Variants in VAMP7 observed in about 807,000 individuals in gnomAD.
The protein encoded by VAMP7 is vesicle associated membrane protein 7.
In VAMP7, 14 loss-of-function variants were observed where a neutral mutation model predicts 29.6. The observed-to-expected ratio is 0.47, with a 90% CI of 0.31 to 0.74. The LOEUF is 0.74. Among genes scored for constraint, VAMP7 ranks in the 30% least tolerant of loss-of-function variants. The pLI, the probability that VAMP7 is intolerant of heterozygous loss-of-function variation, is 0.05. For synonymous variants in VAMP7, 95 were observed against 88.1 expected, an observed-to-expected ratio of 1.08 and a Z score of -0.44; for missense variants, 223 against 262.4, an observed-to-expected ratio of 0.85 and a Z score of 1.04.
intron 5 of VAMP7, among the ~76,000 whole-genome samples, chrX:155,918,992 T>C (rs1012126716): frequency 4.6e-5 from 7 of 152,206 alleles, no homozygotes; most frequent in East Asian, 1.9e-4. Context: ...TAGTATTTCG[T>C]TGAGGATTTT....
At chrX:155,896,337 G>A (rs904348548) in intron 3 of VAMP7, among the ~76,000 whole-genome samples, 14 of 152,048 alleles carry the variant, frequency 9.2e-5, no homozygotes, top group African/African-American at 3.1e-4. Flanking sequence ...TGTTTACGTG[G>A]AATGTTAAAT....
At chrX:155,933,630 T>C (rs2066600185) in intron 6 of VAMP7, among the ~76,000 whole-genome samples, 1 of 152,180 alleles carries the variant, frequency 6.6e-6, no homozygotes, top group Non-Finnish European at 1.5e-5. Flanking sequence ...AGTCTATCAA[T>C]TTTGTTGATC....
At chrX:155,932,272 G>C (rs190621257) in intron 6 of VAMP7, among the ~76,000 whole-genome samples, 10 of 152,080 alleles carry the variant, frequency 6.6e-5, no homozygotes, top group Non-Finnish European at 1.0e-4. Context: ...GATAGGGATG[G>C]CATTGAATCT....
In VAMP7 at chrX:155,941,879, C is replaced by G; in HGVS notation, c.595-4C>G. ...AAATAAAATTGCTCTCCTCGTCCCT[C>G]CAGGTGTTCATCTATATCATTGTTT... On this transcript the variant is annotated splice_polypyrimidine_tract_variant and splice_region_variant and intron_variant, in intron 7 of 7. Coordinates refer to ENST00000286448, the MANE Select transcript of VAMP7 (RefSeq NM_005638.6). The G allele has an allele frequency of 5.0e-6, 8 of 1,613,464 alleles. No individual in the cohort carries two copies. The highest frequency in any genetic ancestry group is 1.1e-5 in the South Asian group (1 of 91,006).
At chrX:155,935,576 T>C (rs2066639663) in intron 6 of VAMP7, among the ~76,000 whole-genome samples, 1 of 152,140 alleles carries the variant, frequency 6.6e-6, no homozygotes, top group Non-Finnish European at 1.5e-5. Context: ...CTTGTCTACA[T>C]TGGTTATTCT....
In VAMP7 at chrX:155,901,127, C is replaced by G. The variant is rs189740975; in HGVS notation, c.433+540C>G. ...AAGTAGGACTGATTTAGAAGTTTAT[C>G]CTACAGTAGTAACCATACTGTTATA... On this transcript the variant is annotated intron_variant, in intron 5 of 7. Coordinates refer to ENST00000286448, the MANE Select transcript of VAMP7 (RefSeq NM_005638.6). 4.7e-4 allele frequency among the ~76,000 whole-genome samples: 72 copies of G among 152,126 alleles called. 1 individual carries two copies. In the East Asian group the frequency reaches 0.013, roughly 27 times the overall value.
intron 6 of VAMP7, among the ~76,000 whole-genome samples, chrX:155,933,574 G>A (rs1000062989): frequency 5.3e-4 from 81 of 152,030 alleles, no homozygotes; most frequent in African/African-American, 1.6e-3. Context: ...TTTTTATTGC[G>A]TCTATTTGAT....
Position 155,939,723 on chromosome X carries a change from G to A in VAMP7, c.524G>A (p.Ser175Asn), listed in dbSNP as rs2066715430. The A allele has an allele frequency of 2.5e-6, 4 of 1,613,748 alleles. No individual in the cohort carries two copies. Among genetic ancestry groups the A allele is most frequent in the Non-Finnish European group, 3.4e-6 (4 of 1,179,842 alleles). ...TAGTCTGTCACCTTCAAAACTACCA[G>A]CAGAAATCTTGCTCGAGCCATGTGT... ...VDSSVTFKTT[S>N]RNLARAMCMK... Residue 175 changes from serine to asparagine, a missense_variant, in exon 7 of 8, where the codon AGC becomes AAC. By Grantham distance (46) the Ser-to-Asn change is conservative. Transcript: ENST00000286448.
intron 7 of VAMP7, among the ~76,000 whole-genome samples, chrX:155,941,241 A>C (rs1443207673): frequency 6.6e-6 from 1 of 152,142 alleles, no homozygotes; most frequent in Non-Finnish European, 1.5e-5. Context: ...AATGTGAACA[A>C]GTAGTGACTT....
intron 6 of VAMP7, among the ~76,000 whole-genome samples, chrX:155,931,588 G>A (rs1476245228): frequency 6.6e-6 from 1 of 152,138 alleles, no homozygotes; most frequent in Non-Finnish European, 1.5e-5. Flanking sequence ...ATTTGTTTGA[G>A]TTCTTTGTAG....
intron 5 of VAMP7, among the ~76,000 whole-genome samples, chrX:155,914,109 TTC>T (rs752438636): frequency 2.7e-3 from 412 of 152,284 alleles, no homozygotes; most frequent in African/African-American, 9.6e-3. Context: ...AGGTATTTTA[TTC>T]TCTTTGTAGC....
chrX:155,942,287 C>T lies in VAMP7; in HGVS notation c.*336C>T, dbSNP rs183732409. 4,110 of 1,000,412 alleles carry T rather than the reference C, an allele frequency of 4.1e-3. 16 individuals are homozygous for T. Among genetic ancestry groups the T allele is most frequent in the Non-Finnish European group, 5.1e-3 (3,593 of 698,544 alleles). The allele number at this position is 1,000,412 out of a possible 1,614,324, so 62.0% of individuals were successfully genotyped here. A position where few individuals can be genotyped will look rare whatever the true frequency, so the allele number is the denominator to read the frequency against. On this transcript the variant is annotated 3_prime_UTR_variant, in exon 8 of 8. Transcript: ENST00000286448. ...CGCCGCTAGTCTTATGAGCTATCTA[C>T]TAAAACTATGGAGAAACTTTGTATG...
chrX:155,940,717 T>C (rs1046505003), intron 7 of VAMP7, among the ~76,000 whole-genome samples: 1 of 152,202 alleles, frequency 6.6e-6, no homozygotes, highest in Admixed American at 6.5e-5. Context: ...AAAATCCTTA[T>C]ATTACAGCTG....
intron 6 of VAMP7, among the ~76,000 whole-genome samples, chrX:155,923,374 G>A (rs1487104374): frequency 1.3e-5 from 2 of 150,024 alleles, no homozygotes; most frequent in African/African-American, 4.9e-5. Flanking sequence ...TAGGTCTACT[G>A]GAAATGAATT....
chrX:155,931,745 C>T (rs1458877355), intron 6 of VAMP7, among the ~76,000 whole-genome samples: 1 of 152,064 alleles, frequency 6.6e-6, no homozygotes. Flanking sequence ...GCTTTTGTTT[C>T]CATTGTTTTT....
chrX:155,895,699 T>G lies in VAMP7; in HGVS notation c.204+19T>G, dbSNP rs1236915043. The G allele has an allele frequency of 6.3e-7, 1 of 1,599,434 alleles. No individual in the cohort carries two copies. The highest frequency in any genetic ancestry group is 8.6e-7 in the Non-Finnish European group (1 of 1,167,200). ...TGATGATGTAAGTAACTTGAAGACA[T>G]ATTGCTATTTAACTATGTGTACTGT... On this transcript the variant is annotated intron_variant, in intron 3 of 7. Coordinates refer to ENST00000286448, the MANE Select transcript of VAMP7 (RefSeq NM_005638.6).
intron 4 of VAMP7, among the ~76,000 whole-genome samples, chrX:155,899,875 A>G (rs1305366727): frequency 6.6e-6 from 1 of 152,084 alleles, no homozygotes; most frequent in Non-Finnish European, 1.5e-5. Context: ...TGGATTAAAT[A>G]ATATCCCGTT....
At chrX:155,891,396 G>A (rs1315234342) in intron 2 of VAMP7, among the ~76,000 whole-genome samples, 1 of 152,116 alleles carries the variant, frequency 6.6e-6, no homozygotes, top group Non-Finnish European at 1.5e-5. Context: ...TTGGCTCCAA[G>A]TCCAGCATGT....
chrX:155,929,183 T>G (rs1034234798), intron 6 of VAMP7, among the ~76,000 whole-genome samples: 1 of 152,162 alleles, frequency 6.6e-6, no homozygotes, highest in Non-Finnish European at 1.5e-5. Flanking sequence ...AGTTTACACG[T>G]TTTTTATTTG....
Sources: gnomAD v4.1 joint callset for allele counts (sites outside exome capture counted in the v4.1 genomes callset) on GRCh38, gnomAD v4.1.1 for gene constraint, MANE v1.5 for transcripts, NCBI Gene and HGNC (gene_info 2026-07-23, HGNC 2026-07-21) for gene names.